ADCY8: variants seen among roughly 807,000 people sequenced by gnomAD.
ADCY8 encodes adenylate cyclase type 8.
ADCY8 carries 51 observed loss-of-function variants against 119.7 expected under a neutral mutation model. That is an observed-to-expected ratio of 0.43 (90% CI 0.34 to 0.54). The LOEUF (loss-of-function observed/expected upper bound fraction) is 0.54. ADCY8 is among the 20% of genes least tolerant of loss of function. The probability of loss-of-function intolerance (pLI) is 0.03; values close to 1 mark genes in which losing one functional copy is unlikely to be tolerated. For synonymous variants in ADCY8, 665 were observed against 651.0 expected, an observed-to-expected ratio of 1.02 and a Z score of -0.33; for missense variants, 1,383 against 1,598.8, an observed-to-expected ratio of 0.87 and a Z score of 2.30.
intron 15 of ADCY8, among the ~76,000 whole-genome samples, chr8:130,790,519 C>G (rs1191678534): frequency 6.6e-6 from 1 of 152,200 alleles, no homozygotes; most frequent in African/African-American, 2.4e-5. Flanking sequence ...ACACAGGAAG[C>G]CTTGCCACCC....
intron 12 of ADCY8, among the ~76,000 whole-genome samples, chr8:130,826,987 C>A (rs1816688087): frequency 6.6e-6 from 1 of 152,054 alleles, no homozygotes; most frequent in Non-Finnish European, 1.5e-5. Context: ...ATGGGTGCAG[C>A]AAACCAACAC....
intron 2 of ADCY8, among the ~76,000 whole-genome samples, chr8:130,961,108 TC>T (rs1419263705): frequency 3.3e-5 from 5 of 152,094 alleles, no homozygotes; most frequent in African/African-American, 1.2e-4. Context: ...CCAATCACTT[TC>T]TTTCTTATTT....
intron 14 of ADCY8, among the ~76,000 whole-genome samples, chr8:130,801,899 C>CTTTTT (rs34853195): frequency 3.8e-4 from 37 of 97,796 alleles, no homozygotes; most frequent in East Asian, 7.4e-4. Flanking sequence ...TTGAGAATGC[C>CTTTTT]TTTTTTTTTT....
At chr8:131,032,169 T>C (rs918142581) in intron 1 of ADCY8, among the ~76,000 whole-genome samples, 1 of 152,188 alleles carries the variant, frequency 6.6e-6, no homozygotes, top group Admixed American at 6.5e-5. Context: ...CATTACTCAT[T>C]TAACAAGAAA....
intron 3 of ADCY8, among the ~76,000 whole-genome samples, chr8:130,946,888 A>G (rs1345703833): frequency 1.3e-5 from 2 of 152,294 alleles, no homozygotes; most frequent in South Asian, 4.1e-4. Flanking sequence ...TTGTGTGCAC[A>G]TTTAAGACTC....
intron 9 of ADCY8, among the ~76,000 whole-genome samples, chr8:130,863,578 C>A (rs1464661691): frequency 6.6e-6 from 1 of 152,058 alleles, no homozygotes; most frequent in Non-Finnish European, 1.5e-5. Flanking sequence ...TTTGATTGAG[C>A]ATTTTATATG....
intron 4 of ADCY8, among the ~76,000 whole-genome samples, chr8:130,938,496 T>C (rs1820859891): frequency 1.3e-5 from 2 of 152,090 alleles, no homozygotes; most frequent in African/African-American, 4.8e-5. Flanking sequence ...TATGGTTCTA[T>C]GGCTGTGTGG....
intron 6 of ADCY8, among the ~76,000 whole-genome samples, chr8:130,909,310 A>G (rs533425267): frequency 2.0e-5 from 3 of 152,340 alleles, no homozygotes; most frequent in East Asian, 3.9e-4. Flanking sequence ...TCATGCATGG[A>G]AAGTCAGTAG....
chr8:130,986,751 C>T (rs922438171), intron 2 of ADCY8, among the ~76,000 whole-genome samples: 1 of 152,186 alleles, frequency 6.6e-6, no homozygotes, highest in Admixed American at 6.5e-5. Context: ...ATGCTGTTAA[C>T]ACAGATCTGT....
intron 2 of ADCY8, among the ~76,000 whole-genome samples, chr8:130,961,264 A>C (rs1158017736): frequency 6.6e-6 from 1 of 151,608 alleles, no homozygotes; most frequent in Non-Finnish European, 1.5e-5. Flanking sequence ...GCCTGCCACC[A>C]CTCCTGGCTA....
intron 2 of ADCY8, among the ~76,000 whole-genome samples, chr8:130,964,772 T>A (rs1821712659): frequency 6.6e-6 from 1 of 152,236 alleles, no homozygotes; most frequent in African/African-American, 2.4e-5. Flanking sequence ...TAACTTACAT[T>A]TCTACCAACA....
rs1288106377 is a variant in ADCY8, at chr8:131,040,111, C to T, written c.223G>A (p.Gly75Ser). The T allele has an allele frequency of 2.0e-6, 3 of 1,526,410 alleles. No homozygotes were observed. The highest frequency in any genetic ancestry group is 2.3e-4 in the Middle Eastern group (1 of 4,356). The allele number at this position is 1,526,410 out of a possible 1,614,324, so 94.6% of individuals were successfully genotyped here. A position where few individuals can be genotyped will look rare whatever the true frequency, so the allele number is the denominator to read the frequency against. ...AGCTGCGGCGCGTGGTGGTTGGGGC[C>T]GCCGCCCGCAGGGTCCGAGGCTTTG... ...SGKASDPAGG[G>S]PNHHAPQLSG... The change falls in exon 1 of 18, where the codon GGC (glycine) becomes AGC (serine). Residue 75 changes from glycine to serine, a missense_variant. Gly to Ser is a moderately conservative substitution (Grantham distance 56). Transcript: ENST00000286355.
intron 1 of ADCY8, among the ~76,000 whole-genome samples, chr8:131,003,970 T>C (rs1004261805): frequency 6.6e-6 from 1 of 152,194 alleles, no homozygotes; most frequent in African/African-American, 2.4e-5. Context: ...CCTGGCTCTT[T>C]GCAAATAAAA....
chr8:130,952,909 A>G (rs1269194251), intron 2 of ADCY8, among the ~76,000 whole-genome samples: 1 of 152,242 alleles, frequency 6.6e-6, no homozygotes, highest in Non-Finnish European at 1.5e-5. Flanking sequence ...CCAGGCTTAC[A>G]AGGCACTAGC....
At chr8:130,836,208 AT>A in intron 12 of ADCY8, 68 bp downstream of exon 12, 1 of 1,496,754 alleles carries the variant, frequency 6.7e-7, no homozygotes, top group Non-Finnish European at 9.0e-7. Context: ...AGCGGGCATC[AT>A]TTTCCCAACA....
chr8:131,015,014 A>C lies in ADCY8; in HGVS notation c.960+24360T>G, dbSNP rs997961350. 3.8e-5 allele frequency among the ~76,000 whole-genome samples: 5 copies of C among 131,558 alleles called. No individual in the cohort carries two copies. The East Asian group carries it at 1.3e-3, about 35-fold the overall frequency. The allele number at this position is 131,558 out of a possible 152,430, so 86.3% of individuals were successfully genotyped here. A position where few individuals can be genotyped will look rare whatever the true frequency, so the allele number is the denominator to read the frequency against. ...AGAAAGGAGACAGGCATAAATGTGGAGTATTCTGGGCACACTAAGGTCTTA... is the reference window on the plus strand; with the variant it reads ...AGAAAGGAGACAGGCATAAATGTGGCGTATTCTGGGCACACTAAGGTCTTA... On this transcript the variant is annotated intron_variant, in intron 1 of 17. Coordinates refer to ENST00000286355, the MANE Select transcript of ADCY8 (RefSeq NM_001115.3).
At chr8:130,845,483 C>T (rs1055213495) in intron 11 of ADCY8, among the ~76,000 whole-genome samples, 1 of 152,160 alleles carries the variant, frequency 6.6e-6, no homozygotes, top group Non-Finnish European at 1.5e-5. Context: ...CCACTTCTAG[C>T]AAGTGAGGGG....
chr8:130,917,391 G>C (rs1820160812), intron 5 of ADCY8, among the ~76,000 whole-genome samples: 1 of 152,150 alleles, frequency 6.6e-6, no homozygotes. Flanking sequence ...AAGTCACACG[G>C]GTGTTAGGTA....
intron 2 of ADCY8, among the ~76,000 whole-genome samples, chr8:130,968,174 CT>C (rs113345725): frequency 0.041 from 5,800 of 142,402 alleles, 332 homozygotes; most frequent in African/African-American, 0.13. Context: ...AGTTATTCTG[CT>C]TTTTTTTTTT....
Sources: allele counts gnomAD v4.1 joint callset (sites outside exome capture counted in the v4.1 genomes callset), GRCh38; gene constraint gnomAD v4.1.1; transcripts MANE v1.5; gene names NCBI Gene and HGNC (gene_info 2026-07-23, HGNC 2026-07-21).